The following DOCK5 variants were observed in gnomAD, a reference collection of about 807,000 sequenced individuals.
DOCK5 encodes dedicator of cytokinesis 5, also known as dedicator of cytokinesis protein 5.
DOCK5 carries 142 observed loss-of-function variants against 251.8 expected under a neutral mutation model. The observed-to-expected ratio is 0.56, with a 90% confidence interval of 0.49 to 0.65. DOCK5 has a LOEUF of 0.65. DOCK5 is among the 30% of genes least tolerant of loss of function. The pLI is 0.00. For synonymous variants in DOCK5, 842 were observed against 835.5 expected, an observed-to-expected ratio of 1.01 and a Z score of -0.13; for missense variants, 2,111 against 2,312.3, an observed-to-expected ratio of 0.91 and a Z score of 1.79.
intron 14 of DOCK5, among the ~76,000 whole-genome samples, chr8:25,318,466 T>TCTCTC: frequency 6.7e-6 from 1 of 149,460 alleles, no homozygotes; most frequent in African/African-American, 2.5e-5. Flanking sequence ...TCCCTTCCCT[T>TCTCTC]CTCTCCTCTC....
intron 20 of DOCK5, 146 bp downstream of exon 20, chr8:25,332,838 G>A: frequency 1.6e-6 from 1 of 625,998 alleles, no homozygotes; most frequent in Non-Finnish European, 2.6e-6. Context: ...TGAATTCCTA[G>A]AAGTACTATT....
chr8:25,334,255 C>A, intron 21 of DOCK5, 59 bp downstream of exon 21: 1 of 1,402,914 alleles, frequency 7.1e-7, no homozygotes. Context: ...ACTCTTAGGA[C>A]TGGATTGTTG....
intron 37 of DOCK5, chr8:25,375,655 C>A: frequency 1.0e-6 from 1 of 977,474 alleles, no homozygotes; most frequent in Non-Finnish European, 1.2e-6. Flanking sequence ...TTGTTCTCAG[C>A]TATTAATATT....
At chr8:25,384,992 C>T (rs1259731986) in intron 40 of DOCK5, among the ~76,000 whole-genome samples, 1 of 152,098 alleles carries the variant, frequency 6.6e-6, no homozygotes, top group African/African-American at 2.4e-5. Flanking sequence ...CAGCTGCAAC[C>T]TGAAAGGTAA....
intron 2 of DOCK5, among the ~76,000 whole-genome samples, chr8:25,259,123 G>T (rs1449196049): frequency 2.6e-5 from 4 of 152,146 alleles, no homozygotes; most frequent in African/African-American, 9.7e-5. Flanking sequence ...CTGTCTCAAA[G>T]AATGAATAAA....
chr8:25,266,326 C>T (rs958320450), intron 2 of DOCK5, among the ~76,000 whole-genome samples: 3 of 151,638 alleles, frequency 2.0e-5, no homozygotes, highest in Non-Finnish European at 4.4e-5. Flanking sequence ...CCCCATTCTC[C>T]TGCCTCAGCC....
intron 5 of DOCK5, among the ~76,000 whole-genome samples, chr8:25,291,268 C>T (rs1804477776): frequency 6.6e-6 from 1 of 152,170 alleles, no homozygotes; most frequent in African/African-American, 2.4e-5. Flanking sequence ...CCAGTTTCCA[C>T]AGTTGCAAGA....
chr8:25,204,271 A>T (rs1166050511), intron 1 of DOCK5, among the ~76,000 whole-genome samples: 1 of 152,168 alleles, frequency 6.6e-6, no homozygotes, highest in African/African-American at 2.4e-5. Flanking sequence ...GAAATTTTTT[A>T]AAATTTTAGG....
At chr8:25,291,248 C>T (rs1478833886) in intron 5 of DOCK5, among the ~76,000 whole-genome samples, 2 of 152,016 alleles carry the variant, frequency 1.3e-5, no homozygotes, top group African/African-American at 4.8e-5. Flanking sequence ...CACTGTTTAC[C>T]CTACAATCAC....
At position 25,390,295 on chromosome 8, in the gene DOCK5, G is replaced by A. The variant is rs1801234845; in HGVS notation, c.4355+8G>A. 4 of 1,538,618 alleles carry A rather than the reference G, an allele frequency of 2.6e-6. No individual in the cohort carries two copies. Among genetic ancestry groups the A allele is most frequent in the African/African-American group, 1.5e-5 (1 of 67,754 alleles). ...TCCAGAGCAGATCTTAAAGTAAGTG[G>A]TTTTTCATTTAAAAAAAAAAAAAAT... On this transcript the variant is annotated splice_region_variant and intron_variant, in intron 42 of 51. Transcript: ENST00000276440.
At position 25,408,174 on chromosome 8, in the gene DOCK5, A is replaced by G. The variant is rs1305628035; in HGVS notation, c.5265+20A>G. ...TTGATGGTAAAAAACAGAAAAGAAA[A>G]AAAGAAATCTCTGGAGGCTTGCCCC... On this transcript the variant is annotated intron_variant, in intron 49 of 51. Coordinates refer to ENST00000276440, the MANE Select transcript of DOCK5 (RefSeq NM_024940.8). 2 of 1,553,038 alleles carry G rather than the reference A, an allele frequency of 1.3e-6. No individual in the cohort carries two copies. Among genetic ancestry groups the G allele is most frequent in the Admixed American group, 4.0e-5 (2 of 49,882 alleles).
chr8:25,245,871 A>G (rs1412075281), intron 2 of DOCK5, among the ~76,000 whole-genome samples: 1 of 151,904 alleles, frequency 6.6e-6, no homozygotes, highest in Non-Finnish European at 1.5e-5. Context: ...TTAGGTTCTA[A>G]TTTCTGAGTC....
rs187564557 is a variant in DOCK5 at position 25,319,707 on chromosome 8, T to C, written c.1542+31T>C. 656 of 1,474,466 alleles carry C rather than the reference T, an allele frequency of 4.4e-4. 2 individuals are homozygous for C. The African/African-American group carries it at 7.8e-3, about 18-fold the overall frequency. 91.3% of individuals were successfully genotyped at this position (1,474,466 alleles called of 1,614,324 possible). A position where few individuals can be genotyped will look rare whatever the true frequency, so the allele number is the denominator to read the frequency against. ...AATGAGTCATTTGTAACCCCTGTTA[T>C]CTGTTAAACCTCAGTTAGATTCCTA... is the stretch of plus-strand genomic sequence containing the variant. On this transcript the variant is annotated intron_variant, in intron 15 of 51. Transcript: ENST00000276440.
chr8:25,372,541 C>G lies in DOCK5; in HGVS notation c.3525-18C>G. The G allele has an allele frequency of 6.4e-7, 1 of 1,554,998 alleles. No homozygotes were observed. Among genetic ancestry groups the G allele is most frequent in the Non-Finnish European group, 8.6e-7 (1 of 1,156,342 alleles). On this transcript the variant is annotated intron_variant, in intron 34 of 51. Transcript: ENST00000276440. ...TAGCATGGAACCTGGGCTTTTGTCTCTCCCTCCGCCCCTCCAGGCTCCTAG... is the reference window on the plus strand; with the variant it reads ...TAGCATGGAACCTGGGCTTTTGTCTGTCCCTCCGCCCCTCCAGGCTCCTAG...
At chr8:25,198,369 C>G (rs1801786482) in intron 1 of DOCK5, among the ~76,000 whole-genome samples, 1 of 152,042 alleles carries the variant, frequency 6.6e-6, no homozygotes, top group Non-Finnish European at 1.5e-5. Context: ...TCAGGAGTTT[C>G]AAGACCAGCC....
chr8:25,197,652 C>T (rs1449692677), intron 1 of DOCK5, among the ~76,000 whole-genome samples: 3 of 133,048 alleles, frequency 2.3e-5, no homozygotes, highest in Non-Finnish European at 3.1e-5. Flanking sequence ...GGCGTGATCT[C>T]GGCTCATTGC....
At chr8:25,363,687 A>T (rs1037960716) in intron 29 of DOCK5, among the ~76,000 whole-genome samples, 1 of 152,230 alleles carries the variant, frequency 6.6e-6, no homozygotes, top group Non-Finnish European at 1.5e-5. Flanking sequence ...ACACAGTGCC[A>T]AACTAACTAG....
Position 25,336,281 on chromosome 8 carries a change from T to G in DOCK5, c.2235T>G (p.Asp745Glu). Residue 745 changes from aspartate (D) to glutamate (E), a missense_variant, in exon 22 of 52, where the codon GAT (aspartate) becomes GAG (glutamate). Asp to Glu is a conservative substitution (Grantham distance 45). Transcript: ENST00000276440. ...KVLNFYVANA[D>E]DSSKTELLFA... ...TGAACTTCTATGTGGCTAATGCAGA[T>G]GACTCCAGCAAGACTGAACTGCTTT... 6.2e-7 allele frequency: 1 copy of G among 1,613,962 alleles called. No individual in the cohort carries two copies. The highest frequency in any genetic ancestry group is 1.7e-5 in the Admixed American group (1 of 60,026).
chr8:25,348,961 A>G (rs1022434489), intron 26 of DOCK5, among the ~76,000 whole-genome samples: 38 of 152,154 alleles, frequency 2.5e-4, no homozygotes, highest in African/African-American at 7.7e-4. Flanking sequence ...AACTTGCACA[A>G]CTATTTAGGG....
Sources: allele counts gnomAD v4.1 joint callset (sites outside exome capture counted in the v4.1 genomes callset), GRCh38; gene constraint gnomAD v4.1.1; transcripts MANE v1.5; gene names NCBI Gene and HGNC (gene_info 2026-07-23, HGNC 2026-07-21).